MEI4: variants seen among roughly 807,000 people sequenced by gnomAD.
MEI4 encodes the protein meiotic double-stranded break formation protein 4.
MEI4 carries 27 observed loss-of-function variants against 31.4 expected under a neutral mutation model. That is an observed-to-expected ratio of 0.86 (90% CI 0.63 to 1.19). The LOEUF is 1.19. MEI4 is among the 50% of genes most tolerant of loss of function. The pLI is 0.00. For missense variants in MEI4, 329 were observed against 398.9 expected (o/e 0.82, Z 1.49); for synonymous variants, 122 against 145.4 (o/e 0.84, Z 1.16).
intron 1 of MEI4, among the ~76,000 whole-genome samples, chr6:77,683,012 T>G (rs564981483): frequency 2.2e-4 from 34 of 152,258 alleles, no homozygotes; most frequent in African/African-American, 7.7e-4. Flanking sequence ...AAAATTTCGG[T>G]TGAAGTTATG....
At chr6:77,744,443 A>C (rs1289831304) in intron 2 of MEI4, among the ~76,000 whole-genome samples, 1 of 152,132 alleles carries the variant, frequency 6.6e-6, no homozygotes, top group Non-Finnish European at 1.5e-5. Flanking sequence ...GAAACAAACA[A>C]AGCCTCCGAG....
At chr6:77,658,529 TG>T (rs1345089527) in intron 1 of MEI4, among the ~76,000 whole-genome samples, 1 of 151,984 alleles carries the variant, frequency 6.6e-6, no homozygotes, top group African/African-American at 2.4e-5. Context: ...GAAAATTTTT[TG>T]GGGGGTGGTA....
chr6:77,853,640 T>G (rs1048303862), intron 4 of MEI4, among the ~76,000 whole-genome samples: 1 of 152,168 alleles, frequency 6.6e-6, no homozygotes, highest in Non-Finnish European at 1.5e-5. Flanking sequence ...GGAGAAGTAT[T>G]GCTTTCTGTG....
rs563999480 is a variant in MEI4 at position 77,890,822 on chromosome 6, A to C, written c.901-32267A>C. ...CTTGTGATAGTGAATGAGTTCTCAC[A>C]AGATCTGATGGCTTTATAAGGGGCT... On this transcript the variant is annotated intron_variant, in intron 4 of 4. Coordinates refer to ENST00000684080, the MANE Select transcript of MEI4 (RefSeq NM_001322247.2). Among the ~76,000 whole-genome samples the C allele has an allele frequency of 9.9e-4, 150 of 152,228 alleles. 1 individual carries two copies. The highest frequency in any genetic ancestry group is 2.4e-3 in the Admixed American group (36 of 15,292).
chr6:77,922,269 G>A (rs1766721097), intron 4 of MEI4, among the ~76,000 whole-genome samples: 1 of 151,072 alleles, frequency 6.6e-6, no homozygotes, highest in Non-Finnish European at 1.5e-5. Flanking sequence ...CTTTCTTAAT[G>A]AATTTGAACA....
intron 3 of MEI4, among the ~76,000 whole-genome samples, chr6:77,767,924 T>G (rs1438312811): frequency 6.6e-6 from 1 of 152,212 alleles, no homozygotes; most frequent in Non-Finnish European, 1.5e-5. Flanking sequence ...CAGAACTTTC[T>G]TCAATTTACT....
At chr6:77,871,616 A>C (rs1402260076) in intron 4 of MEI4, among the ~76,000 whole-genome samples, 2 of 152,202 alleles carry the variant, frequency 1.3e-5, no homozygotes, top group African/African-American at 4.8e-5. Flanking sequence ...CATGGGTGAC[A>C]GGATCATTTG....
chr6:77,845,895 T>G (rs868018704), intron 4 of MEI4, among the ~76,000 whole-genome samples: 6 of 151,564 alleles, frequency 4.0e-5, no homozygotes, highest in Non-Finnish European at 7.4e-5. Context: ...TTTTTTTTTT[T>G]TTTCTTTTAA....
At chr6:77,838,927 G>A (rs75617253) in intron 4 of MEI4, among the ~76,000 whole-genome samples, 12,197 of 151,792 alleles carry the variant, frequency 0.08, 1,510 homozygotes, top group African/African-American at 0.26. Context: ...TCAACTACCT[G>A]AGAACCCTGA....
At chr6:77,877,746 G>A (rs1280234125) in intron 4 of MEI4, among the ~76,000 whole-genome samples, 3 of 132,114 alleles carry the variant, frequency 2.3e-5, no homozygotes, top group Non-Finnish European at 4.7e-5. Flanking sequence ...AAACTTATTG[G>A]ATAAGCAGCC....
chr6:77,906,094 A>G (rs1474153134), intron 4 of MEI4, among the ~76,000 whole-genome samples: 1 of 152,138 alleles, frequency 6.6e-6, no homozygotes, highest in Non-Finnish European at 1.5e-5. Context: ...CGATTTCAAT[A>G]AACTAATTCT....
chr6:77,840,881 A>C (rs184310950), intron 4 of MEI4, among the ~76,000 whole-genome samples: 47 of 152,350 alleles, frequency 3.1e-4, no homozygotes, highest in African/African-American at 1.1e-3. Flanking sequence ...AAGTTGCTAA[A>C]AGCAATAAAC....
chr6:77,660,461 G>A (rs146308794), intron 1 of MEI4, among the ~76,000 whole-genome samples: 8,236 of 152,034 alleles, frequency 0.054, 297 homozygotes, highest in East Asian at 0.18. Context: ...AGTGTAAACC[G>A]GCGGTGTAAA....
chr6:77,654,383 C>G (rs903326719), intron 1 of MEI4, among the ~76,000 whole-genome samples: 1 of 151,626 alleles, frequency 6.6e-6, no homozygotes, highest in African/African-American at 2.4e-5. Flanking sequence ...GGAAAATTAC[C>G]TAAGTTAGGT....
chr6:77,789,991 T>A (rs560999622), intron 3 of MEI4, among the ~76,000 whole-genome samples: 64 of 152,010 alleles, frequency 4.2e-4, no homozygotes, highest in African/African-American at 1.4e-3. Flanking sequence ...AATAGCAAAG[T>A]CTTGGAACCA....
At chr6:77,814,107 A>G (rs1302147686) in intron 3 of MEI4, among the ~76,000 whole-genome samples, 2 of 152,038 alleles carry the variant, frequency 1.3e-5, no homozygotes, top group Non-Finnish European at 2.9e-5. Flanking sequence ...ACCCCAGAGG[A>G]GTGATCGTCT....
intron 2 of MEI4, among the ~76,000 whole-genome samples, chr6:77,698,278 A>G (rs1169681959): frequency 1.3e-5 from 2 of 152,114 alleles, no homozygotes; most frequent in Non-Finnish European, 1.5e-5. Context: ...TTTAAAGTTA[A>G]TATTGTTATG....
At chr6:77,702,962 C>A (rs1411953239) in intron 2 of MEI4, among the ~76,000 whole-genome samples, 1 of 152,156 alleles carries the variant, frequency 6.6e-6, no homozygotes, top group Non-Finnish European at 1.5e-5. Context: ...TCACTAACTA[C>A]CTCCCTAGAC....
chr6:77,774,974 C>T (rs139743853), intron 3 of MEI4, among the ~76,000 whole-genome samples: 163 of 152,140 alleles, frequency 1.1e-3, no homozygotes, highest in Admixed American at 2.2e-3. Flanking sequence ...CTTTCCTTGC[C>T]TCTTAACATC....
Sources: gnomAD v4.1 joint callset for allele counts (sites outside exome capture counted in the v4.1 genomes callset) on GRCh38, gnomAD v4.1.1 for gene constraint, MANE v1.5 for transcripts, NCBI Gene and HGNC (gene_info 2026-07-23, HGNC 2026-07-21) for gene names.